Variants in TTN observed in about 807,000 individuals in gnomAD.
TTN encodes connectin.
A neutral mutation model predicts 3,223.0 loss-of-function variants in TTN; 1,525 were observed. The observed-to-expected ratio is 0.47, with a 90% confidence interval of 0.45 to 0.49. The LOEUF is 0.49. TTN is among the 20% of genes least tolerant of loss of function. The probability of loss-of-function intolerance (pLI) is 0.00; values close to 1 mark genes in which losing one functional copy is unlikely to be tolerated. For missense variants in TTN, 40,786 were observed against 43,424.0 expected (o/e 0.94, Z 5.40); for synonymous variants, 14,094 against 15,161.0 (o/e 0.93, Z 5.17).
chr2:178,583,995 A>T, intron 311 of TTN, 89 bp from the exon 312 acceptor site: 1 of 1,319,158 alleles, frequency 7.6e-7, no homozygotes, highest in Non-Finnish European at 1.0e-6. Flanking sequence ...GCTGCTAAGT[A>T]ACAAGCTCAA....
rs727503587 is a variant in TTN at position 178,589,810 on chromosome 2, A to G, written c.61915T>C (p.Tyr20639His). The change falls in exon 304 of 363, where the codon TAT (tyrosine) becomes CAT (histidine). Residue 20639 changes from tyrosine to histidine, a missense_variant. Transcript: ENST00000589042. The stretch of plus-strand genomic sequence containing the variant: ...TTATTCTCTGCACAAACTCGGAAAT[A>G]GTATTCATTGTTGGCTAAAAGGTTG... ...KANLLANNEY[Y>H]FRVCAENKVG... 8 of 1,613,454 alleles carry G rather than the reference A, an allele frequency of 5.0e-6. No individual in the cohort carries two copies. Among genetic ancestry groups the G allele is most frequent in the Non-Finnish European group, 6.8e-6 (8 of 1,179,614 alleles).
chr2:178,640,727 G>GT, intron 220 of TTN, 97 bp from the exon 221 acceptor site: 1 of 993,142 alleles, frequency 1.0e-6, no homozygotes, highest in Non-Finnish European at 1.5e-6. Flanking sequence ...TCTATGGATG[G>GT]TTTTTTAAAA....
At position 178,587,544 on chromosome 2, in the gene TTN, C is replaced by T; in HGVS notation, c.63765G>A (p.Lys21255=). 2 of 1,610,410 alleles carry T rather than the reference C, an allele frequency of 1.2e-6. No homozygotes were observed. Among genetic ancestry groups the T allele is most frequent in the Non-Finnish European group, 8.5e-7 (1 of 1,178,042 alleles). ...SLTLVNPAGE[K]AVFVNVRVLD... ...ATACTCTGACATTTACGAATACAGC[C>T]TTTTCTCCTGCTGGGTTCACAAGTG... Residue 21255 remains lysine, a synonymous_variant, in exon 306 of 363, where the codon AAG becomes AAA. Transcript: ENST00000589042.
chr2:178,528,094 C>CA, intron 361 of TTN, 180 bp downstream of exon 361: 1 of 692,404 alleles, frequency 1.4e-6, no homozygotes, highest in Non-Finnish European at 2.3e-6. Context: ...GTAATCTATC[C>CA]AAGTTTCTGT....
intron 200 of TTN, 21 bp downstream of exon 200, chr2:178,652,827 C>T (rs1426968745): frequency 1.9e-6 from 3 of 1,609,132 alleles, no homozygotes; most frequent in East Asian, 2.2e-5. Context: ...TCTTCTGAAG[C>T]CTAAAGCCAG....
In TTN at chr2:178,559,400, T is replaced by G. The variant is rs370232500; in HGVS notation, c.86732A>C (p.Glu28911Ala). The G allele has an allele frequency of 6.2e-7, 1 of 1,613,112 alleles. No homozygotes were observed. The change falls in exon 326 of 363, where the codon GAA becomes GCA. Residue 28911 changes from glutamate to alanine, a missense_variant. Coordinates refer to ENST00000589042, the MANE Select transcript of TTN (RefSeq NM_001267550.2). ...GACTCTGAAGTAATAGATAGCTCCT[T>G]CTTGTAAATTGGTAACTTTGTAGGA... ...RLSYKVTNLQ[E>A]GAIYYFRVSG... is the part of the protein sequence containing the mutation.
Position 178,570,012 on chromosome 2 carries a change from C to T in TTN, c.76120G>A (p.Asp25374Asn), listed in dbSNP as rs368715583. 1.1e-5 allele frequency: 18 copies of T among 1,612,844 alleles called. No individual in the cohort carries two copies. The highest frequency in any genetic ancestry group is 4.0e-5 in the African/African-American group (3 of 74,856). Residue 25374 changes from aspartate (D) to asparagine (N), a missense_variant, in exon 326 of 363, where the codon GAT becomes AAT. Transcript: ENST00000589042. ...LRVTGLIENHDYEFRVSAENA... is the reference protein window; with the variant it reads ...LRVTGLIENHNYEFRVSAENA... ...TCAGCAGAAACTCTGAACTCATAAT[C>T]GTGATTTTCTATGAGTCCAGTTACT...
chr2:178,645,062 A>G (rs1179801842), intron 217 of TTN: 1 of 157,870 alleles, frequency 6.3e-6, no homozygotes, highest in Non-Finnish European at 1.4e-5. Flanking sequence ...TTGAAGATAC[A>G]TAGGTCTGTA....
rs376289479 is a variant in TTN, at chr2:178,553,975, G to A, written c.89136C>T (p.Asn29712=). 109 of 1,612,226 alleles carry A rather than the reference G, an allele frequency of 6.8e-5. No individual in the cohort carries two copies. The highest frequency in any genetic ancestry group is 3.3e-4 in the Middle Eastern group (2 of 6,058). The change falls in exon 333 of 363, where the codon AAC becomes AAT. Residue 29712 remains asparagine, a synonymous_variant. Transcript: ENST00000589042. ...CAGAAAATGGACCCTGTCCAGCAGCGTTTACAGCACAAACTCTGTATTGAT... is the reference window on the plus strand; with the variant it reads ...CAGAAAATGGACCCTGTCCAGCAGCATTTACAGCACAAACTCTGTATTGAT... ...SDYQYRVCAV[N]AAGQGPFSEP...
intron 34 of TTN, 61 bp from the exon 35 acceptor site, chr2:178,770,736 C>T: frequency 6.3e-7 from 1 of 1,576,966 alleles, no homozygotes; most frequent in Non-Finnish European, 8.6e-7. Flanking sequence ...GAAAAGAAGT[C>T]CTGAACAAGA....
At chr2:178,624,275 A>G (rs528965925) in intron 242 of TTN, among the ~76,000 whole-genome samples, 190 bp downstream of exon 242, 13 of 152,106 alleles carry the variant, frequency 8.5e-5, no homozygotes, top group Non-Finnish European at 1.3e-4. Context: ...CAGACCAGAC[A>G]TAGAATAAGA....
rs1377093791 is a variant in TTN at position 178,543,413 on chromosome 2, A to G, written c.96560T>C (p.Ile32187Thr). ...FRVLPENIYG[I>T]GEPCETSDAV... ...ATCAGATGTTTCACAAGGTTCTCCA[A>G]TGCCATAAATATTTTCTGGCAGCAC... Residue 32187 changes from isoleucine to threonine, a missense_variant, in exon 347 of 363, where the codon ATT becomes ACT. By Grantham distance (89) the Ile-to-Thr change is moderately conservative. Coordinates refer to ENST00000589042, the MANE Select transcript of TTN (RefSeq NM_001267550.2). 3 of 1,613,876 alleles carry G rather than the reference A, an allele frequency of 1.9e-6. No individual in the cohort carries two copies.
Position 178,731,136 on chromosome 2 carries a change from C to G in TTN, c.17529G>C (p.Gln5843His), listed in dbSNP as rs2080404318. The G allele has an allele frequency of 6.2e-7, 1 of 1,613,666 alleles. No homozygotes were observed. The highest frequency in any genetic ancestry group is 1.1e-5 in the South Asian group (1 of 91,076). Residue 5843 changes from glutamine (Q) to histidine (H), a missense_variant, in exon 60 of 363, where the codon CAG (glutamine) becomes CAC (histidine). Physicochemically the swap from Gln to His is conservative, Grantham distance 24. Transcript: ENST00000589042. Reference protein sequence around the residue: ...DVTQGDPATLQVKFSGTKEIT... With the variant: ...DVTQGDPATLHVKFSGTKEIT... ...TCTCCTTAGTCCCTGAAAATTTAAC[C>G]TGCAAAGTGGCTGGGTCTCCTTGGG...
At chr2:178,727,482 T>G in intron 68 of TTN, 103 bp downstream of exon 68, 1 of 1,499,032 alleles carries the variant, frequency 6.7e-7, no homozygotes, top group Non-Finnish European at 8.9e-7. Flanking sequence ...TTTACTATGT[T>G]AGAAAGAATA....
Position 178,569,392 on chromosome 2 carries a change from C to G in TTN, c.76740G>C (p.Thr25580=). 1 of 1,613,286 alleles carries G rather than the reference C, an allele frequency of 6.2e-7. No individual in the cohort carries two copies. The highest frequency in any genetic ancestry group is 8.5e-7 in the Non-Finnish European group (1 of 1,179,552). ...TTCCACTGCTGTTTTCTAATGTAAG[C>G]GTATATTTTCCACTATCATATCGGT... ...NVNRYDSGKY[T]LTLENSSGTK... Residue 25580 remains threonine (T), a synonymous_variant, in exon 326 of 363, where the codon ACG becomes ACC. Coordinates refer to ENST00000589042, the MANE Select transcript of TTN (RefSeq NM_001267550.2).
chr2:178,673,913 A>G (rs914107778), intron 151 of TTN, among the ~76,000 whole-genome samples: 3 of 151,812 alleles, frequency 2.0e-5, no homozygotes, highest in African/African-American at 7.2e-5. Context: ...TGTAATACCA[A>G]TTATGCAAAA....
chr2:178,727,879 G>A lies in TTN; in HGVS notation c.19715-16C>T, dbSNP rs1027256053. ...CTTGGTGGTTCTATAGATTTTAAGA[G>A]AGATATATTTAATTAAATTGCTTGC... On this transcript the variant is annotated splice_polypyrimidine_tract_variant and intron_variant, in intron 67 of 362. Transcript: ENST00000589042. 20 of 1,536,562 alleles carry A rather than the reference G, an allele frequency of 1.3e-5. No homozygotes were observed. The highest frequency in any genetic ancestry group is 1.7e-5 in the Non-Finnish European group (20 of 1,146,624).
intron 17 of TTN, among the ~76,000 whole-genome samples, 174 bp from the exon 18 acceptor site, chr2:178,783,238 T>C (rs1574777131): frequency 1.6e-5 from 1 of 60,642 alleles, no homozygotes. Flanking sequence ...TATACTAATA[T>C]ATTAGTAAAG....
chr2:178,580,741 A>G (rs1313503082), intron 316 of TTN, 132 bp from the exon 317 acceptor site: 2 of 856,748 alleles, frequency 2.3e-6, no homozygotes, highest in Non-Finnish European at 3.5e-6. Flanking sequence ...CTTCCTTAAT[A>G]CAATCCTCAA....
Sources: allele counts gnomAD v4.1 joint callset (sites outside exome capture counted in the v4.1 genomes callset), GRCh38; gene constraint gnomAD v4.1.1; transcripts MANE v1.5; gene names NCBI Gene and HGNC (gene_info 2026-07-23, HGNC 2026-07-21).